The following VAV2 variants were observed in gnomAD, a reference collection of about 807,000 sequenced individuals.
VAV2 encodes the protein vav guanine nucleotide exchange factor 2.
VAV2 carries 67 observed loss-of-function variants against 132.5 expected under a neutral mutation model. The observed-to-expected ratio is 0.51, with a 90% CI of 0.42 to 0.62. The LOEUF (loss-of-function observed/expected upper bound fraction) is 0.62. VAV2 is among the 20% of genes least tolerant of loss of function. VAV2 has a pLI of 0.00. For missense variants in VAV2, 938 were observed against 1,153.6 expected, an observed-to-expected ratio of 0.81 and a Z score of 2.71; for synonymous variants, 492 against 443.5, an observed-to-expected ratio of 1.11 and a Z score of -1.37.
At chr9:133,957,723 T>C (rs1390568093) in intron 1 of VAV2, among the ~76,000 whole-genome samples, 2 of 152,164 alleles carry the variant, frequency 1.3e-5, no homozygotes, top group African/African-American at 4.8e-5. Flanking sequence ...TCCAAGTGAC[T>C]GTCACAACCC....
rs1349572706 is a variant in VAV2, at chr9:133,788,919, C to T, written c.1274+339G>A. On this transcript the variant is annotated intron_variant, in intron 14 of 29. Transcript: ENST00000371850. This position sits in a 1 kb window ranked among gnomAD's most constrained non-coding sequence, Gnocchi z 5.3. ...AAGCCTGGGCCACCGTGCGCCTGGA[C>T]ACTCTCCGGCAGTCATTTGGCAAAG... Among the ~76,000 whole-genome samples, 2 of 152,218 alleles carry T rather than the reference C, an allele frequency of 1.3e-5. No individual in the cohort carries two copies. Among genetic ancestry groups the T allele is most frequent in the South Asian group, 2.1e-4 (1 of 4,836 alleles).
In VAV2 at chr9:133,935,534, G is replaced by C. The variant is rs189331453; in HGVS notation, c.321+3569C>G. On this transcript the variant is annotated intron_variant, in intron 2 of 29. Transcript: ENST00000371850. This position sits in a 1 kb window ranked among gnomAD's most constrained non-coding sequence, Gnocchi z 5.2. ...CCCCGGCCCAGCAAGAGGTCCCCAG[G>C]AGTCTGAGCACCTGGGCAGACCAGG... Among the ~76,000 whole-genome samples the C allele has an allele frequency of 3.8e-3, 584 of 152,310 alleles. 3 individuals carry two copies. The highest frequency in any genetic ancestry group is 0.013 in the African/African-American group (554 of 41,564).
At chr9:133,798,793 C>T (rs939390110) in intron 9 of VAV2, among the ~76,000 whole-genome samples, 1 of 152,186 alleles carries the variant, frequency 6.6e-6, no homozygotes, top group African/African-American at 2.4e-5. Flanking sequence ...GGTGATTAGC[C>T]CCACTCTTCA....
Position 133,928,164 on chromosome 9 carries a change from C to T in VAV2, c.321+10939G>A, listed in dbSNP as rs527627118. On this transcript the variant is annotated intron_variant, in intron 2 of 29. Coordinates refer to ENST00000371850, the MANE Select transcript of VAV2 (RefSeq NM_001134398.2). This position sits in a 1 kb window ranked among gnomAD's most constrained non-coding sequence, Gnocchi z 5.4. ...GCGGGTCAGCATCCGATGGGCTTAC[C>T]GACTCCGTGTGTGTGTGTGTGTGTG... Among the ~76,000 whole-genome samples the T allele has an allele frequency of 1.3e-4, 13 of 98,724 alleles. No homozygotes were observed. Among genetic ancestry groups the T allele is most frequent in the Middle Eastern group, 5.3e-3 (1 of 188 alleles). 64.8% of individuals were successfully genotyped at this position (98,724 alleles called of 152,430 possible).
chr9:133,923,543 T>C (rs1840368208), intron 2 of VAV2, among the ~76,000 whole-genome samples: 1 of 152,206 alleles, frequency 6.6e-6, no homozygotes. Flanking sequence ...ACACTGTTGG[T>C]GGGAGTGTAA....
chr9:133,773,623 T>C (rs1424040067), intron 25 of VAV2, among the ~76,000 whole-genome samples: 2 of 151,000 alleles, frequency 1.3e-5, no homozygotes, highest in Admixed American at 1.3e-4. Flanking sequence ...CTTTGTATCC[T>C]TATTCTATAA....
rs1588174949 is a variant in VAV2 at position 133,788,622 on chromosome 9, A to C, written c.1275-136T>G. The C allele has an allele frequency of 7.9e-7, 1 of 1,272,810 alleles. No homozygotes were observed. The allele number at this position is 1,272,810 out of a possible 1,614,324, so 78.8% of individuals were successfully genotyped here. A position where few individuals can be genotyped will look rare whatever the true frequency, so the allele number is the denominator to read the frequency against. On this transcript the variant is annotated intron_variant, in intron 14 of 29. Transcript: ENST00000371850. The surrounding 1 kb of genome is among the most constrained non-coding windows in gnomAD (Gnocchi z 5.3). ...GAGCCCTGCCCTCACCTGGCTCACC[A>C]GGCTAATGCTGAGCCTCGGTCAGGT...
At position 133,788,616 on chromosome 9, in the gene VAV2, C is replaced by T. The variant is rs1834330203; in HGVS notation, c.1275-130G>A. 3.1e-6 allele frequency: 4 copies of T among 1,308,444 alleles called. No individual in the cohort carries two copies. Among genetic ancestry groups the T allele is most frequent in the Admixed American group, 2.2e-5 (1 of 45,632 alleles). 81.1% of individuals were successfully genotyped at this position (1,308,444 alleles called of 1,614,324 possible). ...CCGGGCGAGCCCTGCCCTCACCTGGCTCACCAGGCTAATGCTGAGCCTCGG... is the reference window on the plus strand; with the variant it reads ...CCGGGCGAGCCCTGCCCTCACCTGGTTCACCAGGCTAATGCTGAGCCTCGG... On this transcript the variant is annotated intron_variant, in intron 14 of 29. Coordinates refer to ENST00000371850, the MANE Select transcript of VAV2 (RefSeq NM_001134398.2). The surrounding 1 kb of genome is among the most constrained non-coding windows in gnomAD (Gnocchi z 5.3).
chr9:133,806,302 T>C, intron 8 of VAV2, 121 bp from the exon 9 acceptor site: 1 of 853,448 alleles, frequency 1.2e-6, no homozygotes, highest in Non-Finnish European at 1.8e-6. Flanking sequence ...GCCCGGGTGC[T>C]GGGCCTGCAC....
rs1250500259 is a variant in VAV2 at position 133,979,039 on chromosome 9, C to T, written c.204+13036G>A. Among the ~76,000 whole-genome samples the T allele has an allele frequency of 5.3e-5, 8 of 152,338 alleles. No homozygotes were observed. The East Asian group carries it at 1.4e-3, about 26-fold the overall frequency. On this transcript the variant is annotated intron_variant, in intron 1 of 29. Coordinates refer to ENST00000371850, the MANE Select transcript of VAV2 (RefSeq NM_001134398.2). ...TGACCCCAGTGTGAGAGCAGGTCTG[C>T]AGGTCCCGGAGCGCCCACCCCAGCC...
chr9:133,922,101 C>T (rs2132078996), intron 2 of VAV2, among the ~76,000 whole-genome samples: 1 of 152,368 alleles, frequency 6.6e-6, no homozygotes, highest in Admixed American at 6.5e-5. Context: ...GGACCCGGAC[C>T]CGGCTCCCTC....
rs142732255 is a variant in VAV2, at chr9:133,831,758, G to A, written c.449+2514C>T. On this transcript the variant is annotated intron_variant, in intron 4 of 29. Transcript: ENST00000371850. ...CCAACCTCAGGCTGGTAACTTAGGA[G>A]AAATAGCAGGTCAGAAACTTGCCCT... Among the ~76,000 whole-genome samples, 1,389 of 152,322 alleles carry A rather than the reference G, an allele frequency of 9.1e-3. 8 individuals carry two copies. Among genetic ancestry groups the A allele is most frequent in the Non-Finnish European group, 0.013 (880 of 68,024 alleles).
chr9:133,959,009 C>T (rs945502890), intron 1 of VAV2, among the ~76,000 whole-genome samples: 1 of 151,482 alleles, frequency 6.6e-6, no homozygotes, highest in African/African-American at 2.4e-5. Context: ...GTGAGAGGTG[C>T]CGAGAAACAG....
intron 2 of VAV2, among the ~76,000 whole-genome samples, chr9:133,900,766 GATTTATTT>G (rs10538806): frequency 0.18 from 26,181 of 145,360 alleles, 2,488 homozygotes; most frequent in Middle Eastern, 0.26. Context: ...CTCCTGTCTT[GATTTATTT>G]ATTTATTTAT....
intron 9 of VAV2, among the ~76,000 whole-genome samples, chr9:133,799,027 A>T (rs116178060): frequency 0.01 from 1,539 of 152,186 alleles, 28 homozygotes; most frequent in African/African-American, 0.035. Flanking sequence ...GCCGTAGGGC[A>T]CCCGGCCTGG....
intron 1 of VAV2, among the ~76,000 whole-genome samples, chr9:133,974,258 C>A (rs1170295240): frequency 5.3e-5 from 8 of 152,166 alleles, no homozygotes. Context: ...CGGTCAGTAA[C>A]GCTTGCTGGG....
intron 2 of VAV2, among the ~76,000 whole-genome samples, chr9:133,871,439 TTGATGGATGGATGGATGGATGGAGAAGC>T (rs1292287342): frequency 6.9e-6 from 1 of 145,350 alleles, no homozygotes. Flanking sequence ...GATGGATTGA[TTGATGGATGGATGGATGGATGGAGAAGC>T]GGATGGATGG....
intron 3 of VAV2, among the ~76,000 whole-genome samples, chr9:133,855,841 CT>C (rs1837363758): frequency 1.3e-5 from 2 of 152,040 alleles, no homozygotes; most frequent in Admixed American, 6.5e-5. Context: ...AGCCTGACCC[CT>C]GTCCCCTGCC....
chr9:133,856,477 T>C (rs1342000428), intron 3 of VAV2, among the ~76,000 whole-genome samples: 2 of 150,966 alleles, frequency 1.3e-5, no homozygotes, highest in Admixed American at 6.6e-5. Context: ...GACCCCATGC[T>C]GGTATGTGCC....
Sources: allele counts gnomAD v4.1 joint callset (sites outside exome capture counted in the v4.1 genomes callset), GRCh38; gene constraint gnomAD v4.1.1; non-coding constraint Gnocchi (gnomAD v3.1); transcripts MANE v1.5; gene names NCBI Gene and HGNC (gene_info 2026-07-23, HGNC 2026-07-21).